Variants in PCDHA4 observed in about 807,000 individuals in gnomAD.
PCDHA4 encodes the protein protocadherin alpha-4.
Under a neutral mutation model 61.4 loss-of-function variants are expected in PCDHA4, and 49 were observed. That is an observed-to-expected ratio of 0.80 (90% CI 0.63 to 1.01). PCDHA4 has a LOEUF of 1.01. Among genes scored for constraint, PCDHA4 ranks in the 50% least tolerant of loss-of-function variants. PCDHA4 has a pLI of 0.00. For missense variants in PCDHA4, 1,254 were observed against 1,235.8 expected (o/e 1.01, Z -0.22); for synonymous variants, 590 against 550.3 (o/e 1.07, Z -1.01).
intron 1 of PCDHA4, among the ~76,000 whole-genome samples, chr5:140,840,430 A>T (rs1776694200): frequency 6.6e-6 from 1 of 151,990 alleles, no homozygotes; most frequent in Admixed American, 6.6e-5. Flanking sequence ...GCTAGTTTAA[A>T]GCCGTGGAAA....
At position 140,993,525 on chromosome 5, in the gene PCDHA4, G is replaced by C. The variant is rs573802745; in HGVS notation, c.2533+10962G>C. On this transcript the variant is annotated intron_variant, in intron 3 of 3. Coordinates refer to ENST00000530339, the MANE Select transcript of PCDHA4 (RefSeq NM_018907.4). Reference sequence around the variant, plus strand: ...ACACACACACGGGGAGAGAGAGACAGAGAGAGAGAGAGATAGAGAAGTGAA... The same window carrying C: ...ACACACACACGGGGAGAGAGAGACACAGAGAGAGAGAGATAGAGAAGTGAA... Among the ~76,000 whole-genome samples the C allele has an allele frequency of 4.8e-5, 7 of 147,308 alleles. No homozygotes were observed. The East Asian group carries it at 1.2e-3, about 24-fold the overall frequency.
At chr5:140,888,037 A>T (rs547880007) in intron 1 of PCDHA4, among the ~76,000 whole-genome samples, 8 of 152,186 alleles carry the variant, frequency 5.3e-5, no homozygotes, top group Non-Finnish European at 1.0e-4. Flanking sequence ...ATATTAGTAC[A>T]TGTATAATAG....
intron 3 of PCDHA4, among the ~76,000 whole-genome samples, chr5:140,994,564 G>A (rs1554254259): frequency 6.6e-6 from 1 of 152,070 alleles, no homozygotes; most frequent in Non-Finnish European, 1.5e-5. Flanking sequence ...AATTAGCCGG[G>A]TGTGGTGGCA....
chr5:140,869,287 C>T, intron 1 of PCDHA4: 1 of 1,613,538 alleles, frequency 6.2e-7, no homozygotes, highest in Non-Finnish European at 8.5e-7. Context: ...GCTGGTGCAG[C>T]GCCTGTTCCG....
chr5:140,850,169 G>C (rs2150470473), intron 1 of PCDHA4: 7 of 1,594,740 alleles, frequency 4.4e-6, no homozygotes, highest in Non-Finnish European at 6.0e-6. Context: ...TGCTGGACGA[G>C]AACGACAATG....
chr5:140,838,325 T>C (rs1554137025), intron 1 of PCDHA4, among the ~76,000 whole-genome samples: 1 of 149,366 alleles, frequency 6.7e-6, no homozygotes, highest in Non-Finnish European at 1.5e-5. Flanking sequence ...AGTTTCACCA[T>C]GTTGCCCCGG....
At chr5:140,969,923 A>G (rs1270842223) in intron 1 of PCDHA4, among the ~76,000 whole-genome samples, 3 of 152,234 alleles carry the variant, frequency 2.0e-5, no homozygotes, top group Non-Finnish European at 4.4e-5. Flanking sequence ...AAGCTGTAGT[A>G]TTTAGACATC....
intron 1 of PCDHA4, among the ~76,000 whole-genome samples, chr5:140,932,017 G>GT (rs1385498128): frequency 2.6e-5 from 4 of 151,792 alleles, no homozygotes; most frequent in African/African-American, 9.7e-5. Context: ...TTAGTTTACG[G>GT]TAAGTTTACA....
intron 1 of PCDHA4, among the ~76,000 whole-genome samples, chr5:140,921,583 TA>T (rs2080282425): frequency 6.6e-6 from 1 of 152,200 alleles, no homozygotes; most frequent in South Asian, 2.1e-4. Flanking sequence ...GCTCATACTA[TA>T]TTATGGTTTC....
Position 140,809,343 on chromosome 5 carries a change from C to T in PCDHA4, c.2156C>T (p.Thr719Ile). 1 of 1,614,074 alleles carries T rather than the reference C, an allele frequency of 6.2e-7. No homozygotes were observed. The highest frequency in any genetic ancestry group is 1.1e-5 in the South Asian group (1 of 91,086). ...SLLVLTLLLY[T>I]ALRCSALPTE... Reference sequence around the variant, plus strand: ...TTGGTGCTCACGCTGCTGCTGTACACCGCGCTGCGGTGCTCTGCGCTGCCC... The same window carrying T: ...TTGGTGCTCACGCTGCTGCTGTACATCGCGCTGCGGTGCTCTGCGCTGCCC... Residue 719 changes from threonine to isoleucine, a missense_variant, in exon 1 of 4, where the codon ACC becomes ATC. Coordinates refer to ENST00000530339, the MANE Select transcript of PCDHA4 (RefSeq NM_018907.4).
intron 1 of PCDHA4, chr5:140,875,168 G>A (rs1554167513): frequency 5.5e-6 from 2 of 364,784 alleles, no homozygotes; most frequent in African/African-American, 4.2e-5. Flanking sequence ...ACCCAAAGTC[G>A]AAACATTAGA....
chr5:141,009,868 G>C lies in PCDHA4; in HGVS notation c.2775G>C (p.Lys925Asn). 1 of 1,614,022 alleles carries C rather than the reference G, an allele frequency of 6.2e-7. No individual in the cohort carries two copies. Among genetic ancestry groups the C allele is most frequent in the Non-Finnish European group, 8.5e-7 (1 of 1,180,004 alleles). Residue 925 changes from lysine (K) to asparagine (N), a missense_variant, in exon 4 of 4, where the codon AAG becomes AAC. Transcript: ENST00000530339. ...AGGAGACCAAGAAAAAGAAGAAAAA[G>C]AAGAAGGGTAACAAGACCCAGGAGA... ...KKEETKKKKKKKKGNKTQEKK... is the reference protein window; with the variant it reads ...KKEETKKKKKNKKGNKTQEKK...
At chr5:140,990,318 A>C (rs2097387548) in intron 3 of PCDHA4, among the ~76,000 whole-genome samples, 1 of 152,054 alleles carries the variant, frequency 6.6e-6, no homozygotes, top group Admixed American at 6.5e-5. Context: ...AACCAACCAA[A>C]CAAACTTTAA....
chr5:140,967,854 C>T (rs782783470), intron 1 of PCDHA4: 1 of 1,614,154 alleles, frequency 6.2e-7, no homozygotes, highest in South Asian at 1.1e-5. Flanking sequence ...GACAATGCCC[C>T]AGAGGTGGTG....
chr5:140,828,906 G>A (rs2150160526), intron 1 of PCDHA4: 13 of 1,614,242 alleles, frequency 8.1e-6, no homozygotes, highest in Non-Finnish European at 9.3e-6. Flanking sequence ...CGGGATGAAG[G>A]AGCGAATGGG....
chr5:140,943,493 T>C (rs2093505211), intron 1 of PCDHA4, among the ~76,000 whole-genome samples: 1 of 152,118 alleles, frequency 6.6e-6, no homozygotes, highest in Non-Finnish European at 1.5e-5. Context: ...AAATAGATGC[T>C]ATCAAGGTTC....
At position 140,849,459 on chromosome 5, in the gene PCDHA4, G is replaced by A. The variant is rs2150438078; in HGVS notation, c.2385+39887G>A. On this transcript the variant is annotated intron_variant, in intron 1 of 3. Transcript: ENST00000530339. ...TAGAGCACACAAGATCCCAGTCGAG[G>A]CTGTCGATAAAGGCTTCCCACCCCT... 169 of 1,587,860 alleles carry A rather than the reference G, an allele frequency of 1.1e-4. 13 individuals carry two copies. The highest frequency in any genetic ancestry group is 1.4e-4 in the Non-Finnish European group (163 of 1,161,590).
At chr5:140,873,823 G>T (rs2054513552) in intron 1 of PCDHA4, among the ~76,000 whole-genome samples, 1 of 152,076 alleles carries the variant, frequency 6.6e-6, no homozygotes, top group Non-Finnish European at 1.5e-5. Context: ...ACCACTCCTG[G>T]CTAATTTTTG....
At chr5:140,884,519 T>G in intron 1 of PCDHA4, 1 of 1,614,042 alleles carries the variant, frequency 6.2e-7, no homozygotes, top group Non-Finnish European at 8.5e-7. Context: ...TTGGTCGTAC[T>G]CGCAGCAGAG....
Sources: allele counts gnomAD v4.1 joint callset (sites outside exome capture counted in the v4.1 genomes callset), GRCh38; gene constraint gnomAD v4.1.1; transcripts MANE v1.5; gene names NCBI Gene and HGNC (gene_info 2026-07-23, HGNC 2026-07-21).